The following GRIN2B variants were observed in gnomAD, a reference collection of about 807,000 sequenced individuals.
GRIN2B encodes glutamate ionotropic receptor NMDA type subunit 2B, also known as glutamate receptor ionotropic, NMDA 2B.
GRIN2B carries 5 observed loss-of-function variants against 114.5 expected under a neutral mutation model. The observed-to-expected ratio is 0.04, with a 90% CI of 0.02 to 0.09. GRIN2B has a LOEUF of 0.09. GRIN2B is among the 10% of genes least tolerant of loss of function. GRIN2B has a pLI of 1.00. For missense variants in GRIN2B, 1,108 were observed against 1,943.5 expected (o/e 0.57, Z 8.08); for synonymous variants, 787 against 745.1 (o/e 1.06, Z -0.92).
chr12:13,676,789 A>T (rs1413914485), intron 4 of GRIN2B, among the ~76,000 whole-genome samples: 2 of 152,170 alleles, frequency 1.3e-5, no homozygotes, highest in African/African-American at 4.8e-5. Context: ...TACAGTAAGC[A>T]GGGATCTGAT....
At chr12:13,622,093 G>C (rs149878851) in intron 5 of GRIN2B, among the ~76,000 whole-genome samples, 1 of 152,106 alleles carries the variant, frequency 6.6e-6, no homozygotes, top group African/African-American at 2.4e-5. Flanking sequence ...CGGTCTCCTC[G>C]GGCTGCCTCT....
intron 3 of GRIN2B, among the ~76,000 whole-genome samples, chr12:13,758,402 AT>A (rs1158438409): frequency 2.0e-5 from 3 of 152,202 alleles, no homozygotes; most frequent in Non-Finnish European, 4.4e-5. Flanking sequence ...GAACATATCT[AT>A]TTTCAAATAC....
intron 4 of GRIN2B, among the ~76,000 whole-genome samples, chr12:13,703,598 C>T (rs901264480): frequency 6.6e-6 from 1 of 152,144 alleles, no homozygotes; most frequent in Non-Finnish European, 1.5e-5. Context: ...CACATACACA[C>T]ACAAATATGC....
chr12:13,630,962 C>T (rs1186415728), intron 5 of GRIN2B, among the ~76,000 whole-genome samples: 2 of 152,110 alleles, frequency 1.3e-5, no homozygotes, highest in African/African-American at 4.8e-5. Context: ...AAGTAAGGCA[C>T]ATCTTACGTG....
chr12:13,766,175 G>A (rs1863782476), intron 3 of GRIN2B, among the ~76,000 whole-genome samples: 1 of 152,108 alleles, frequency 6.6e-6, no homozygotes, highest in African/African-American at 2.4e-5. Context: ...ATGCTTATCA[G>A]GTGCTGTAGG....
intron 5 of GRIN2B, among the ~76,000 whole-genome samples, chr12:13,674,839 C>T (rs1950056518): frequency 6.6e-6 from 1 of 152,098 alleles, no homozygotes; most frequent in African/African-American, 2.4e-5. Context: ...TGCTATAAGA[C>T]ACCTCTGAAC....
intron 2 of GRIN2B, among the ~76,000 whole-genome samples, chr12:13,972,024 T>C: frequency 6.6e-6 from 1 of 152,206 alleles, no homozygotes; most frequent in East Asian, 1.9e-4. Flanking sequence ...CATGTTAAAA[T>C]GCTAGTGTAA....
chr12:13,941,635 G>C (rs1214182390), intron 2 of GRIN2B, among the ~76,000 whole-genome samples: 1 of 152,164 alleles, frequency 6.6e-6, no homozygotes, highest in Non-Finnish European at 1.5e-5. Flanking sequence ...GGCATAAACT[G>C]CCCTTAAACT....
intron 5 of GRIN2B, among the ~76,000 whole-genome samples, chr12:13,626,525 T>C (rs934449472): frequency 5.3e-5 from 8 of 152,134 alleles, no homozygotes; most frequent in Non-Finnish European, 7.4e-5. Flanking sequence ...TGTGACTCTC[T>C]GGATTTGAGC....
In GRIN2B at chr12:13,819,318, C is replaced by G. The variant is rs370409086; in HGVS notation, c.411+46480G>C. On this transcript the variant is annotated intron_variant, in intron 3 of 13. Transcript: ENST00000609686. ...AGAAAATATATTCCTGTTGTTTGCACCACCACATCTGTGGTATTTTGTTAC... is the reference window on the plus strand; with the variant it reads ...AGAAAATATATTCCTGTTGTTTGCAGCACCACATCTGTGGTATTTTGTTAC... 8.7e-4 allele frequency among the ~76,000 whole-genome samples: 133 copies of G among 152,268 alleles called. 4 individuals are homozygous for G. In the South Asian group the frequency reaches 0.027, roughly 31 times the overall value.
intron 3 of GRIN2B, among the ~76,000 whole-genome samples, chr12:13,819,974 C>T (rs1864902379): frequency 6.6e-6 from 1 of 152,154 alleles, no homozygotes; most frequent in African/African-American, 2.4e-5. Context: ...AGGATTCTCC[C>T]ACTTGGTTCC....
intron 8 of GRIN2B, among the ~76,000 whole-genome samples, chr12:13,612,946 A>G (rs1223630219): frequency 6.6e-6 from 1 of 152,176 alleles, no homozygotes; most frequent in African/African-American, 2.4e-5. Context: ...AAAGGGGAAA[A>G]ATTGGCTGAA....
chr12:13,795,171 C>T (rs1005941148), intron 3 of GRIN2B, among the ~76,000 whole-genome samples: 2 of 152,128 alleles, frequency 1.3e-5, no homozygotes, highest in South Asian at 4.1e-4. Flanking sequence ...TAAAAATAAG[C>T]TGTGTCCATC....
At chr12:13,586,245 G>A (rs1245037774) in intron 10 of GRIN2B, among the ~76,000 whole-genome samples, 3 of 152,154 alleles carry the variant, frequency 2.0e-5, no homozygotes, top group African/African-American at 7.2e-5. Context: ...ACCATACATG[G>A]TTTAGGACAT....
chr12:13,812,479 T>C lies in GRIN2B; in HGVS notation c.411+53319A>G, dbSNP rs1864749709. 2.0e-5 allele frequency among the ~76,000 whole-genome samples: 3 copies of C among 152,150 alleles called. No individual in the cohort carries two copies. The South Asian group carries it at 6.2e-4, about 32-fold the overall frequency. ...ATGTATTTATCTTTTTTTTTCATTG[T>C]TCCTCTTCTCATGTTCAACTAAACC... is the stretch of plus-strand genomic sequence containing the variant. On this transcript the variant is annotated intron_variant, in intron 3 of 13. Transcript: ENST00000609686.
Position 13,569,815 on chromosome 12 carries a change from CT to C in GRIN2B, c.2359+14del. 1 of 1,554,508 alleles carries C rather than the reference CT, an allele frequency of 6.4e-7. No homozygotes were observed. Among genetic ancestry groups the C allele is most frequent in the Non-Finnish European group, 8.8e-7 (1 of 1,141,726 alleles). ...AGTAGAGGACAAATGGGCACTTTCC[CT>C]TTCTTGAACTCACCATCTCCAAAGA... is the stretch of plus-strand genomic sequence containing the variant. On this transcript the variant is annotated intron_variant, in intron 12 of 13. Coordinates refer to ENST00000609686, the MANE Select transcript of GRIN2B (RefSeq NM_000834.5).
chr12:13,669,869 T>C (rs741360), intron 5 of GRIN2B, among the ~76,000 whole-genome samples: 25,270 of 152,102 alleles, frequency 0.17, 2,241 homozygotes, highest in South Asian at 0.2. Context: ...ATGATCACCA[T>C]AGTCCTTAGG....
At chr12:13,869,783 C>T (rs956599520) in intron 2 of GRIN2B, among the ~76,000 whole-genome samples, 2 of 152,180 alleles carry the variant, frequency 1.3e-5, no homozygotes, top group African/African-American at 2.4e-5. Flanking sequence ...CCAACCAAAA[C>T]CAACTGACGT....
At chr12:13,597,248 G>C (rs767623784) in intron 10 of GRIN2B, among the ~76,000 whole-genome samples, 1 of 152,208 alleles carries the variant, frequency 6.6e-6, no homozygotes, top group African/African-American at 2.4e-5. Context: ...TCAAGGTCTG[G>C]AGGCACGGAA....
Sources: allele counts gnomAD v4.1 joint callset (sites outside exome capture counted in the v4.1 genomes callset), GRCh38; gene constraint gnomAD v4.1.1; transcripts MANE v1.5; gene names NCBI Gene and HGNC (gene_info 2026-07-23, HGNC 2026-07-21).